Variants in ERAP1 observed in about 807,000 individuals in gnomAD.
ERAP1 encodes the protein adipocyte-derived leucine aminopeptidase.
A neutral mutation model predicts 103.7 loss-of-function variants in ERAP1; 86 were observed. That is an observed-to-expected ratio of 0.83 (90% CI 0.70 to 0.99). The LOEUF (loss-of-function observed/expected upper bound fraction) is 0.99. ERAP1 is among the 50% of genes least tolerant of loss of function. The pLI is 0.00. For synonymous variants in ERAP1, 398 were observed against 402.4 expected (o/e 0.99, Z 0.13); for missense variants, 1,009 against 1,128.4 (o/e 0.89, Z 1.52).
At chr5:96,855,464 A>G in the ERAP1 span, among the ~76,000 whole-genome samples, 1 of 152,160 alleles carries the variant, frequency 6.6e-6, no homozygotes, top group African/African-American at 2.4e-5. Context: ...AAAACTTTGG[A>G]GAAAAGAAAA....
chr5:96,864,832 T>G, the ERAP1 span, among the ~76,000 whole-genome samples: 1 of 152,088 alleles, frequency 6.6e-6, no homozygotes, highest in Non-Finnish European at 1.5e-5. Context: ...TCAAAGTGAC[T>G]TATATATGTG....
chr5:96,928,056 C>T, the ERAP1 span, among the ~76,000 whole-genome samples: 2 of 152,162 alleles, frequency 1.3e-5, no homozygotes. Context: ...CAGACACAGA[C>T]CACCATACAC....
chr5:96,918,151 C>T, the ERAP1 span: 1 of 152,210 alleles, frequency 6.6e-6, no homozygotes, highest in Non-Finnish European at 1.5e-5. Context: ...AGTTCAGTAT[C>T]CTATTTAAAA....
chr5:96,869,721 G>A, the ERAP1 span, among the ~76,000 whole-genome samples: 1 of 152,196 alleles, frequency 6.6e-6, no homozygotes, highest in South Asian at 2.1e-4. Context: ...TCAATAATCT[G>A]ACCATGAAGA....
the ERAP1 span, chr5:96,879,726 C>T: frequency 6.2e-7 from 1 of 1,614,096 alleles, no homozygotes; most frequent in Non-Finnish European, 8.5e-7. Flanking sequence ...CACAGAAAAC[C>T]AATGTTTAAC....
chr5:96,801,137 C>A, intron 2 of ERAP1, 137 bp from the exon 3 acceptor site: 1 of 958,030 alleles, frequency 1.0e-6, no homozygotes, highest in Non-Finnish European at 1.6e-6. Flanking sequence ...CTGACAAAAG[C>A]TATCATAAAC....
the ERAP1 span, among the ~76,000 whole-genome samples, chr5:96,925,005 G>A: frequency 2.0e-5 from 3 of 152,082 alleles, no homozygotes; most frequent in Non-Finnish European, 4.4e-5. Context: ...GTCACTTCCT[G>A]GCCTAGGTAG....
the ERAP1 span, chr5:96,813,883 A>G: frequency 6.3e-5 from 11 of 174,818 alleles, no homozygotes; most frequent in South Asian, 1.4e-3. Flanking sequence ...TCCAACTGTT[A>G]TGGTATTTGT....
Position 96,790,854 on chromosome 5 carries a change from C to T in ERAP1, c.1321-211G>A, listed in dbSNP as rs1175909895. 7.2e-5 allele frequency among the ~76,000 whole-genome samples: 11 copies of T among 152,268 alleles called. No homozygotes were observed. In the East Asian group the frequency reaches 2.1e-3, roughly 29 times the overall value. ...TAATGTGATTGCTTATGCTCTGAGC[C>T]CACTGAGGCCCTTATTTTCTATCAG... is the stretch of plus-strand genomic sequence containing the variant. On this transcript the variant is annotated intron_variant, in intron 8 of 18. Coordinates refer to ENST00000443439, the MANE Select transcript of ERAP1 (RefSeq NM_001040458.3).
At chr5:96,797,403 T>A in intron 3 of ERAP1, 94 bp from the exon 4 acceptor site, 2 of 1,421,522 alleles carry the variant, frequency 1.4e-6, no homozygotes, top group Non-Finnish European at 2.0e-6. Context: ...ATATTAAAAG[T>A]GTATCAATCC....
chr5:96,827,064 T>C, the ERAP1 span, among the ~76,000 whole-genome samples: 152 of 152,308 alleles, frequency 1.0e-3, 3 homozygotes, highest in East Asian at 0.026. Flanking sequence ...TTTGTGACAA[T>C]GTTAGCACTC....
upstream of ERAP1, among the ~76,000 whole-genome samples, chr5:96,811,086 T>G (rs185051772): frequency 6.6e-6 from 1 of 152,182 alleles, no homozygotes; most frequent in East Asian, 1.9e-4. Context: ...CCTTAGAACT[T>G]AATTTTTTTA....
At chr5:96,908,353 A>T in the ERAP1 span, among the ~76,000 whole-genome samples, 5 of 152,196 alleles carry the variant, frequency 3.3e-5, no homozygotes, top group African/African-American at 1.2e-4. Flanking sequence ...AGAATAATAA[A>T]CCTGTTATTT....
chr5:96,912,684 C>G, the ERAP1 span: 1 of 1,610,634 alleles, frequency 6.2e-7, no homozygotes, highest in East Asian at 2.2e-5. Context: ...GGTGCTCAGA[C>G]AACAGCAGGA....
At chr5:96,811,105 T>C (rs542822330), upstream of ERAP1, among the ~76,000 whole-genome samples, 8 of 151,960 alleles carry the variant, frequency 5.3e-5, no homozygotes, top group African/African-American at 1.7e-4. Context: ...TAAATGCCAA[T>C]TTAAAAAAAA....
the ERAP1 span, among the ~76,000 whole-genome samples, chr5:96,913,003 G>A: frequency 2.6e-5 from 4 of 151,924 alleles, no homozygotes; most frequent in African/African-American, 9.7e-5. Context: ...ATATGATTGA[G>A]ACTAGACAAG....
chr5:96,786,841 C>G (rs1023863814), intron 11 of ERAP1: 18 of 365,164 alleles, frequency 4.9e-5, no homozygotes, highest in African/African-American at 3.7e-4. Context: ...GGCCTAACTT[C>G]AGGACTCATG....
chr5:96,782,984 T>C (rs1775433815), intron 15 of ERAP1, 67 bp downstream of exon 15: 1 of 1,520,666 alleles, frequency 6.6e-7, no homozygotes, highest in Non-Finnish European at 9.1e-7. Flanking sequence ...TAATGTTTAG[T>C]ACCAATGATG....
chr5:96,854,318 A>G, the ERAP1 span, among the ~76,000 whole-genome samples: 1 of 152,178 alleles, frequency 6.6e-6, no homozygotes, highest in Non-Finnish European at 1.5e-5. Context: ...TTATGATTCA[A>G]TAGATACCTC....
Sources: gnomAD v4.1 joint callset for allele counts (sites outside exome capture counted in the v4.1 genomes callset) on GRCh38, gnomAD v4.1.1 for gene constraint, MANE v1.5 for transcripts, NCBI Gene and HGNC (gene_info 2026-07-23, HGNC 2026-07-21) for gene names.